ADD2: variants seen among roughly 807,000 people sequenced by gnomAD.
ADD2 encodes beta-adducin.
ADD2 carries 23 observed loss-of-function variants against 83.0 expected under a neutral mutation model. The observed-to-expected ratio is 0.28, with a 90% CI of 0.20 to 0.39. The LOEUF is 0.39. ADD2 is among the 10% of genes least tolerant of loss of function. The pLI, the probability that ADD2 is intolerant of heterozygous loss-of-function variation, is 1.00. For missense variants in ADD2, 758 were observed against 944.9 expected (o/e 0.80, Z 2.59); for synonymous variants, 375 against 375.4 (o/e 1.00, Z 0.01).
intron 1 of ADD2, among the ~76,000 whole-genome samples, chr2:70,727,101 G>A (rs540470800): frequency 4.6e-5 from 7 of 152,288 alleles, no homozygotes; most frequent in African/African-American, 1.7e-4. Context: ...CCTTCTTCAC[G>A]CTCCGTGGGA....
At position 70,706,312 on chromosome 2, in the gene ADD2, G is replaced by A. The variant is rs782645890; in HGVS notation, c.97C>T (p.Arg33Cys). 18 of 1,614,084 alleles carry A rather than the reference G, an allele frequency of 1.1e-5. No individual in the cohort carries two copies. Among genetic ancestry groups the A allele is most frequent in the East Asian group, 2.2e-5 (1 of 44,874 alleles). Residue 33 changes from arginine to cysteine, a missense_variant, in exon 3 of 16, where the codon CGC becomes TGC. Arg to Cys is a radical substitution (Grantham distance 180). Around this residue, in one of 5 missense-constraint regions of ADD2, gnomAD observed 175 missense variants for 192.1 expected, o/e 0.91. Coordinates refer to ENST00000264436, the MANE Select transcript of ADD2 (RefSeq NM_001617.4). The surrounding 1 kb of genome is among the most constrained non-coding windows in gnomAD (Gnocchi z 5.0). ...AGGTCCGCCGCCCGGTTGCGAAGGC[G>A]CATGTACTCGGGGTCGTCCTCTGAG... The part of the protein sequence containing the change: ...RFSEDDPEYM[R>C]LRNRAADLRQ...
In ADD2 at chr2:70,692,557, G is replaced by A. The variant is rs782283246; in HGVS notation, c.556-5C>T. 24 of 1,593,938 alleles carry A rather than the reference G, an allele frequency of 1.5e-5. No homozygotes were observed. The highest frequency in any genetic ancestry group is 1.9e-5 in the Non-Finnish European group (22 of 1,171,180). ...TCCCAGAATGTTCACCTTGATCTGC[G>A]CCAGGGAAGAAGAGAGACTTATGGC... On this transcript the variant is annotated splice_polypyrimidine_tract_variant and splice_region_variant and intron_variant, in intron 6 of 15. Coordinates refer to ENST00000264436, the MANE Select transcript of ADD2 (RefSeq NM_001617.4).
At chr2:70,762,409 C>T (rs1034032300) in intron 1 of ADD2, among the ~76,000 whole-genome samples, 1 of 151,732 alleles carries the variant, frequency 6.6e-6, no homozygotes, top group Non-Finnish European at 1.5e-5. Context: ...AGTCAAGGGT[C>T]ACAACATTTG....
chr2:70,689,211 A>C (rs1184525741), intron 8 of ADD2, among the ~76,000 whole-genome samples: 5 of 152,274 alleles, frequency 3.3e-5, no homozygotes, highest in African/African-American at 1.2e-4. Context: ...AAAGCTGAGT[A>C]AAAGTGGGGG....
At chr2:70,725,782 T>C (rs80241810) in intron 1 of ADD2, among the ~76,000 whole-genome samples, 3,902 of 151,808 alleles carry the variant, frequency 0.026, 92 homozygotes, top group Admixed American at 0.063. Flanking sequence ...CCAACCACAA[T>C]GTACATACAA....
intron 10 of ADD2, among the ~76,000 whole-genome samples, chr2:70,680,413 T>C (rs1670399483): frequency 6.6e-6 from 1 of 152,216 alleles, no homozygotes. Flanking sequence ...GCCACGCCAT[T>C]TAGTTGCCAA....
At chr2:70,748,573 T>C (rs782783030) in intron 1 of ADD2, among the ~76,000 whole-genome samples, 1 of 152,188 alleles carries the variant, frequency 6.6e-6, no homozygotes, top group Non-Finnish European at 1.5e-5. Context: ...ACTTGCTCTT[T>C]GGCTCCCCTG....
chr2:70,713,898 C>T (rs1672331479), intron 1 of ADD2, among the ~76,000 whole-genome samples: 1 of 151,890 alleles, frequency 6.6e-6, no homozygotes, highest in Non-Finnish European at 1.5e-5. Flanking sequence ...TGGATGCAGC[C>T]CAAGACGCAG....
At chr2:70,764,398 G>A (rs1305087436) in intron 1 of ADD2, among the ~76,000 whole-genome samples, 1 of 151,846 alleles carries the variant, frequency 6.6e-6, no homozygotes, top group Non-Finnish European at 1.5e-5. Context: ...AGCAGTGGTC[G>A]CCAGGAGCTG....
chr2:70,730,449 C>A (rs13008845), intron 1 of ADD2, among the ~76,000 whole-genome samples: 7 of 152,150 alleles, frequency 4.6e-5, no homozygotes, highest in East Asian at 3.8e-4. Context: ...TTTACACACA[C>A]CTGTTATGTC....
chr2:70,705,289 G>A (rs1350447036), intron 3 of ADD2, among the ~76,000 whole-genome samples: 1 of 152,060 alleles, frequency 6.6e-6, no homozygotes, highest in Non-Finnish European at 1.5e-5. Flanking sequence ...ATTGGACCTC[G>A]GCCCATTCCC....
At chr2:70,737,174 T>C (rs2104486390) in intron 1 of ADD2, among the ~76,000 whole-genome samples, 1 of 152,290 alleles carries the variant, frequency 6.6e-6, no homozygotes. Context: ...TGGCGATTCC[T>C]CAAGGATCTA....
chr2:70,767,925 CG>C lies in ADD2; in HGVS notation c.-194del. 6.5e-7 allele frequency: 1 copy of C among 1,535,926 alleles called. No individual in the cohort carries two copies. ...CTTAGCTATCTCCGGTCGGCCACTG[CG>C]GGTTGGTTTTGTTATTTTATGGGTT... On this transcript the variant is annotated 5_prime_UTR_variant, in exon 1 of 16. Coordinates refer to ENST00000264436, the MANE Select transcript of ADD2 (RefSeq NM_001617.4).
intron 7 of ADD2, 29 bp downstream of exon 7, chr2:70,692,374 C>T: frequency 6.6e-7 from 1 of 1,510,244 alleles, no homozygotes; most frequent in Non-Finnish European, 8.9e-7. Context: ...TACGTCTTTC[C>T]TTGGGTGGCT....
intron 15 of ADD2, among the ~76,000 whole-genome samples, chr2:70,670,890 G>A (rs931375914): frequency 6.6e-6 from 1 of 152,168 alleles, no homozygotes; most frequent in East Asian, 1.9e-4. Flanking sequence ...GTGGGTTATG[G>A]GAAGTATCTT....
At position 70,658,048 on chromosome 2, in the gene ADD2, C is replaced by T. The variant is rs1362774095; in HGVS notation, c.*5377G>A. The T allele has an allele frequency of 6.6e-6, 1 of 152,190 alleles. No individual in the cohort carries two copies. The highest frequency in any genetic ancestry group is 1.9e-4 in the East Asian group (1 of 5,194). The allele number at this position is 152,190 out of a possible 1,614,324, so 9.4% of individuals were successfully genotyped here. On this transcript the variant is annotated 3_prime_UTR_variant, in exon 16 of 16. Transcript: ENST00000264436. ...GCACCAAACATCAATATAGCCAAAC[C>T]TAATATCACCTAAGTATGAACCAAT... is the stretch of plus-strand genomic sequence containing the variant.
intron 1 of ADD2, among the ~76,000 whole-genome samples, chr2:70,718,700 C>T (rs1672591381): frequency 6.6e-6 from 1 of 152,174 alleles, no homozygotes; most frequent in Admixed American, 6.5e-5. Context: ...CCTGGTTTTT[C>T]GGGAGAGGAA....
rs1671929482 is a variant in ADD2, at chr2:70,706,772, T to C, written c.-34-330A>G. On this transcript the variant is annotated intron_variant, in intron 2 of 15. Coordinates refer to ENST00000264436, the MANE Select transcript of ADD2 (RefSeq NM_001617.4). The surrounding 1 kb of genome is among the most constrained non-coding windows in gnomAD (Gnocchi z 5.0). ...CATGACCTGCAGACCTTGTTGAGCATTTCTGTGATGCACACCTATGCAGTG... is the reference window on the plus strand; with the variant it reads ...CATGACCTGCAGACCTTGTTGAGCACTTCTGTGATGCACACCTATGCAGTG... Among the ~76,000 whole-genome samples the C allele has an allele frequency of 2.0e-5, 3 of 152,174 alleles. No homozygotes were observed. Among genetic ancestry groups the C allele is most frequent in the Admixed American group, 2.0e-4 (3 of 15,272 alleles).
chr2:70,706,585 A>T lies in ADD2; in HGVS notation c.-34-143T>A, dbSNP rs1170980706. Reference sequence around the variant, plus strand: ...ATGGTAGAGGCAGAGCCTGGGGAGGAGGGCAGGACGCCAGCAGCGGCCCCA... The same window carrying T: ...ATGGTAGAGGCAGAGCCTGGGGAGGTGGGCAGGACGCCAGCAGCGGCCCCA... On this transcript the variant is annotated intron_variant, in intron 2 of 15. Coordinates refer to ENST00000264436, the MANE Select transcript of ADD2 (RefSeq NM_001617.4). This position sits in a 1 kb window ranked among gnomAD's most constrained non-coding sequence, Gnocchi z 5.0. The T allele has an allele frequency of 1.3e-6, 1 of 745,420 alleles. No individual in the cohort carries two copies. Among genetic ancestry groups the T allele is most frequent in the Non-Finnish European group, 2.1e-6 (1 of 484,358 alleles). The allele number at this position is 745,420 out of a possible 1,614,324, so 46.2% of individuals were successfully genotyped here.
Sources: allele counts gnomAD v4.1 joint callset (sites outside exome capture counted in the v4.1 genomes callset), GRCh38; gene constraint gnomAD v4.1.1; regional missense constraint gnomAD v4.1.1; non-coding constraint Gnocchi (gnomAD v3.1); transcripts MANE v1.5; gene names NCBI Gene and HGNC (gene_info 2026-07-23, HGNC 2026-07-21).